Variants in CEP44 observed in about 807,000 individuals in gnomAD.
CEP44 encodes the protein centrosomal protein 44, also known as centrosomal protein of 44 kDa.
CEP44 carries 45 observed loss-of-function variants against 46.7 expected under a neutral mutation model. That is an observed-to-expected ratio of 0.96 (90% CI 0.76 to 1.24). CEP44 has a LOEUF of 1.24. Ranked by LOEUF, CEP44 falls within the 50% of genes most tolerant of loss-of-function variation. The pLI is 0.00. For missense variants in CEP44, 475 were observed against 459.7 expected (o/e 1.03, Z -0.30); for synonymous variants, 142 against 146.0 (o/e 0.97, Z 0.20).
At chr4:174,324,378 A>C (rs1454820361), downstream of CEP44, among the ~76,000 whole-genome samples, 3 of 152,146 alleles carry the variant, frequency 2.0e-5, no homozygotes, top group East Asian at 5.8e-4. Flanking sequence ...CTCTGGACAC[A>C]TGTTTTTACC....
chr4:174,320,704 A>ATATGTGTGTGTGTGTGTGTGTATGTGTG (rs1742251485), downstream of CEP44, among the ~76,000 whole-genome samples: 1 of 125,242 alleles, frequency 8.0e-6, no homozygotes, highest in Non-Finnish European at 1.8e-5. Context: ...GTGTGTGTGT[A>ATATGTGTGTGTGTGTGTGTGTATGTGTG]TGTGTGTGTG....
In CEP44 at chr4:174,319,751, TCATA is replaced by T; in HGVS notation, c.*2372_*2375del. ...AGGGACTAAAAATCAACTCAATATA[TCATA>T]CATTTACACTTACAAAGAGTCTTTA... On this transcript the variant is annotated 3_prime_UTR_variant, in exon 12 of 12. Transcript: ENST00000503780. 1 of 913,604 alleles carries T rather than the reference TCATA, an allele frequency of 1.1e-6. No homozygotes were observed. The highest frequency in any genetic ancestry group is 1.8e-5 in the African/African-American group (1 of 56,306). The allele number at this position is 913,604 out of a possible 1,614,324, so 56.6% of individuals were successfully genotyped here.
intron 9 of CEP44, among the ~76,000 whole-genome samples, chr4:174,313,057 A>C (rs1046875967): frequency 6.6e-6 from 1 of 152,130 alleles, no homozygotes; most frequent in Non-Finnish European, 1.5e-5. Flanking sequence ...GAGCAGGAGC[A>C]ATTTGATGAT....
rs1742066231 is a variant in CEP44, at chr4:174,319,210, C to T, written c.*1827C>T. On this transcript the variant is annotated 3_prime_UTR_variant, in exon 12 of 12. Coordinates refer to ENST00000503780, the MANE Select transcript of CEP44 (RefSeq NM_001040157.3). ...TTAACAGAGTTTCAGTAAATATTTC[C>T]AGAATTAATGAAGCATGTTAGCTTT... is the stretch of plus-strand genomic sequence containing the variant. The T allele has an allele frequency of 1.0e-6, 1 of 971,276 alleles. No individual in the cohort carries two copies. Among genetic ancestry groups the T allele is most frequent in the Non-Finnish European group, 1.2e-6 (1 of 817,122 alleles). 60.2% of individuals were successfully genotyped at this position (971,276 alleles called of 1,614,324 possible).
intron 9 of CEP44, among the ~76,000 whole-genome samples, chr4:174,315,190 A>G (rs2126658868): frequency 6.6e-6 from 1 of 152,098 alleles, no homozygotes; most frequent in Admixed American, 6.5e-5. Context: ...GTAGGCTTAC[A>G]ATAAAGCTCT....
exon 9 of CEP44, chr4:174,332,601 G>A (rs1731372287): frequency 6.6e-6 from 1 of 152,082 alleles, no homozygotes; most frequent in African/African-American, 2.4e-5. Context: ...CTTCCCAAAT[G>A]GTCCATATCT....
At chr4:174,324,740 A>T (rs1742546880), downstream of CEP44, among the ~76,000 whole-genome samples, 1 of 152,092 alleles carries the variant, frequency 6.6e-6, no homozygotes. Flanking sequence ...GAGGGACCAG[A>T]CACTTACCCC....
intron 6 of CEP44, among the ~76,000 whole-genome samples, chr4:174,306,322 A>T (rs1440922946): frequency 6.6e-6 from 1 of 152,122 alleles, no homozygotes; most frequent in Non-Finnish European, 1.5e-5. Flanking sequence ...AATGAGCCCT[A>T]CTCATAGAGC....
intron 9 of CEP44, among the ~76,000 whole-genome samples, chr4:174,315,232 A>AT (rs200701841): frequency 0.019 from 2,720 of 143,364 alleles, 54 homozygotes; most frequent in African/African-American, 0.048. Context: ...TGGGTGTCTA[A>AT]TTTTTTTTTT....
chr4:174,297,569 G>GCA lies in CEP44; in HGVS notation c.-147-396_-147-395dup, dbSNP rs1739188225. On this transcript the variant is annotated intron_variant, in intron 1 of 11. Transcript: ENST00000503780. The surrounding 1 kb of genome is among the most constrained non-coding windows in gnomAD (Gnocchi z 4.3). ...TCTCTAGGTCCATCCACCTTCTCTA[G>GCA]CATAGAACCTGATAGTCTGCTGTCA... 6.6e-6 allele frequency among the ~76,000 whole-genome samples: 1 copy of GCA among 151,996 alleles called. No individual in the cohort carries two copies. The highest frequency in any genetic ancestry group is 2.4e-5 in the African/African-American group (1 of 41,368).
At position 174,331,504 on chromosome 4, in the gene CEP44, C is replaced by G; in HGVS notation, c.1109C>G (p.Thr370Arg). The G allele has an allele frequency of 6.4e-7, 1 of 1,551,598 alleles. No homozygotes were observed. Among genetic ancestry groups the G allele is most frequent in the African/African-American group, 1.4e-5 (1 of 73,164 alleles). ...TAGAATTTTCCTGCATGGAGTGCTA[C>G]ATCCTCTTGTTCCAGTCTCAGCTGG... Residue 370 changes from threonine to arginine, a missense_variant, in exon 9 of 9, where the codon ACA becomes AGA. Thr to Arg is a moderately conservative substitution (Grantham distance 71). Transcript: ENST00000426172. This position sits in a 1 kb window ranked among gnomAD's most constrained non-coding sequence, Gnocchi z 4.5.
In CEP44 at chr4:174,291,782, C is replaced by CTTTTTTTTTTTTTTTTTTT. The variant is rs1208425482; in HGVS notation, c.-147-6180_-147-6179insTTTTTTTTTTTTTTTTTTT. Among the ~76,000 whole-genome samples, 10 of 81,628 alleles carry CTTTTTTTTTTTTTTTTTTT rather than the reference C, an allele frequency of 1.2e-4. No homozygotes were observed. The East Asian group carries it at 1.7e-3, about 14-fold the overall frequency. 53.6% of individuals were successfully genotyped at this position (81,628 alleles called of 152,430 possible). ...GTTTTCTTTATTCTTTTATCTTTTT[C>CTTTTTTTTTTTTTTTTTTT]TTTTCTTTTTTTTTTTTTTTTTTTT... On this transcript the variant is annotated intron_variant, in intron 1 of 11. Coordinates refer to ENST00000503780, the MANE Select transcript of CEP44 (RefSeq NM_001040157.3).
chr4:174,289,816 G>T (rs1737975699), intron 1 of CEP44, among the ~76,000 whole-genome samples: 5 of 149,910 alleles, frequency 3.3e-5, no homozygotes, highest in Admixed American at 2.7e-4. Context: ...GAGGTGTAAA[G>T]TTAGGTTGTT....
intron 1 of CEP44, among the ~76,000 whole-genome samples, chr4:174,293,092 A>G (rs775179652): frequency 6.6e-5 from 10 of 152,190 alleles, no homozygotes; most frequent in Non-Finnish European, 1.2e-4. Flanking sequence ...AGGTGGAGCC[A>G]GGTTGTGGGT....
intron 6 of CEP44, among the ~76,000 whole-genome samples, chr4:174,307,964 C>T (rs1171832599): frequency 6.6e-6 from 1 of 152,060 alleles, no homozygotes; most frequent in Non-Finnish European, 1.5e-5. Flanking sequence ...ATAACAGATG[C>T]TCGTGAGTTT....
intron 3 of CEP44, among the ~76,000 whole-genome samples, chr4:174,299,678 A>T (rs976927568): frequency 3.9e-5 from 6 of 152,122 alleles, no homozygotes; most frequent in African/African-American, 1.2e-4. Flanking sequence ...GTTCTTTTTC[A>T]TATGGAATAT....
At chr4:174,283,831 T>G (rs1340065337), upstream of CEP44, 2 of 398,694 alleles carry the variant, frequency 5.0e-6, no homozygotes, top group Non-Finnish European at 8.8e-6. The surrounding 1 kb of genome is among the most constrained non-coding windows in gnomAD (Gnocchi z 6.7). Flanking sequence ...GACTGGCCAT[T>G]GAGGAGGCTC....
chr4:174,325,909 G>A lies in CEP44; in HGVS notation c.1087-5573G>A, dbSNP rs1742632508. 6.6e-6 allele frequency among the ~76,000 whole-genome samples: 1 copy of A among 152,022 alleles called. No individual in the cohort carries two copies. The highest frequency in any genetic ancestry group is 1.5e-5 in the Non-Finnish European group (1 of 67,992). ...CTATTCCAGATTTCTCTTAGGAAGT[G>A]TTACTACAGTATTTATTTCCCATCT... On this transcript the variant is annotated intron_variant, in intron 8 of 8. Transcript: ENST00000426172. The surrounding 1 kb of genome is among the most constrained non-coding windows in gnomAD (Gnocchi z 4.4).
chr4:174,323,259 G>T (rs1742442098), downstream of CEP44, among the ~76,000 whole-genome samples: 1 of 152,126 alleles, frequency 6.6e-6, no homozygotes, highest in Admixed American at 6.6e-5. Flanking sequence ...AGCAGCAGCT[G>T]CCCTGAGAGA....
Sources: gnomAD v4.1 joint callset for allele counts (sites outside exome capture counted in the v4.1 genomes callset) on GRCh38, gnomAD v4.1.1 for gene constraint, Gnocchi (gnomAD v3.1) non-coding constraint, MANE v1.5 for transcripts, NCBI Gene and HGNC (gene_info 2026-07-23, HGNC 2026-07-21) for gene names.